BCKDHB: variants seen among roughly 807,000 people sequenced by gnomAD.
The protein encoded by BCKDHB is branched chain keto acid dehydrogenase E1 subunit beta.
A neutral mutation model predicts 48.5 loss-of-function variants in BCKDHB; 41 were observed. That is an observed-to-expected ratio of 0.85 (90% confidence interval 0.66 to 1.10). The LOEUF (loss-of-function observed/expected upper bound fraction) is 1.10. Ranked by LOEUF, BCKDHB falls within the 50% of genes least tolerant of loss-of-function variation. BCKDHB has a pLI of 0.00. For missense variants in BCKDHB, 496 were observed against 494.2 expected, an observed-to-expected ratio of 1.00 and a Z score of -0.03; for synonymous variants, 201 against 174.8, an observed-to-expected ratio of 1.15 and a Z score of -1.18.
chr6:80,125,181 A>G (rs1310795632), intron 1 of BCKDHB, among the ~76,000 whole-genome samples: 3 of 152,158 alleles, frequency 2.0e-5, no homozygotes, highest in African/African-American at 7.2e-5. Context: ...CGTTTTATGT[A>G]CTGAGATGGC....
intron 8 of BCKDHB, among the ~76,000 whole-genome samples, chr6:80,218,478 AC>A (rs1444989518): frequency 1.3e-5 from 2 of 152,136 alleles, no homozygotes; most frequent in African/African-American, 4.8e-5. Context: ...AATGTCTGTA[AC>A]TTTTGATTTA....
rs185509030 is a variant in BCKDHB, at chr6:80,188,246, A to G, written c.743-12688A>G. ...TAGCTGGAGGCCATTATCCTTAGCAAACTAACACATGAACACAAAACCAAA... is the reference window on the plus strand; with the variant it reads ...TAGCTGGAGGCCATTATCCTTAGCAGACTAACACATGAACACAAAACCAAA... On this transcript the variant is annotated intron_variant, in intron 6 of 9. Coordinates refer to ENST00000320393, the MANE Select transcript of BCKDHB (RefSeq NM_183050.4). Among the ~76,000 whole-genome samples, 23 of 152,320 alleles carry G rather than the reference A, an allele frequency of 1.5e-4. No individual in the cohort carries two copies. The East Asian group carries it at 4.3e-3, about 28-fold the overall frequency.
At chr6:80,391,889 G>C in the BCKDHB span, among the ~76,000 whole-genome samples, 1 of 152,058 alleles carries the variant, frequency 6.6e-6, no homozygotes, top group South Asian at 2.1e-4. Flanking sequence ...TTTTCTTCCT[G>C]ATAGCAGGAT....
intron 8 of BCKDHB, among the ~76,000 whole-genome samples, chr6:80,239,269 C>T (rs965405671): frequency 4.6e-5 from 7 of 152,244 alleles, no homozygotes; most frequent in African/African-American, 1.7e-4. Flanking sequence ...CCTGTTGTTT[C>T]CTGACTTTTT....
chr6:80,389,804 C>T, the BCKDHB span, among the ~76,000 whole-genome samples: 1 of 152,138 alleles, frequency 6.6e-6, no homozygotes, highest in African/African-American at 2.4e-5. Flanking sequence ...GTCGTGTATG[C>T]TCTGAATCAG....
the BCKDHB span, among the ~76,000 whole-genome samples, chr6:80,372,007 G>C: frequency 6.6e-6 from 1 of 151,910 alleles, no homozygotes; most frequent in Non-Finnish European, 1.5e-5. Flanking sequence ...GTTTTTCCTA[G>C]ATGTGTGAAG....
intron 8 of BCKDHB, among the ~76,000 whole-genome samples, chr6:80,253,295 T>A: frequency 6.6e-6 from 1 of 152,158 alleles, no homozygotes; most frequent in Non-Finnish European, 1.5e-5. Flanking sequence ...TGCAAAGACC[T>A]ACAAACATCT....
At chr6:80,339,839 A>C (rs892759076) in intron 9 of BCKDHB, among the ~76,000 whole-genome samples, 2 of 152,174 alleles carry the variant, frequency 1.3e-5, no homozygotes, top group African/African-American at 4.8e-5. Flanking sequence ...TTTATTCCTA[A>C]TTCAATTTTT....
chr6:80,114,725 A>G (rs1374210887), intron 1 of BCKDHB, among the ~76,000 whole-genome samples: 3 of 152,216 alleles, frequency 2.0e-5, no homozygotes, highest in Non-Finnish European at 4.4e-5. Flanking sequence ...CGACACAAGA[A>G]TTCAGTTTGT....
chr6:80,215,555 A>T (rs1042255513), intron 8 of BCKDHB, among the ~76,000 whole-genome samples: 4 of 152,224 alleles, frequency 2.6e-5, no homozygotes. Context: ...TTGTTGAACC[A>T]TCTGAAAAAT....
At chr6:80,251,447 A>G (rs915081310) in intron 8 of BCKDHB, among the ~76,000 whole-genome samples, 3 of 152,156 alleles carry the variant, frequency 2.0e-5, no homozygotes, top group African/African-American at 7.2e-5. Context: ...GGGATATGGG[A>G]AAAAGGCAAA....
chr6:80,202,931 A>G (rs1489828212), intron 7 of BCKDHB, among the ~76,000 whole-genome samples, 171 bp from the exon 8 acceptor site: 1 of 151,994 alleles, frequency 6.6e-6, no homozygotes, highest in Non-Finnish European at 1.5e-5. Context: ...TATACTTGTT[A>G]TTTTCGCAGA....
the BCKDHB span, among the ~76,000 whole-genome samples, chr6:80,419,551 C>A: frequency 2.0e-5 from 3 of 152,156 alleles, no homozygotes; most frequent in Non-Finnish European, 2.9e-5. Flanking sequence ...CCTGGCCATG[C>A]TTTATTACAG....
At chr6:80,112,562 A>G (rs1411892506) in intron 1 of BCKDHB, among the ~76,000 whole-genome samples, 1 of 152,198 alleles carries the variant, frequency 6.6e-6, no homozygotes, top group Non-Finnish European at 1.5e-5. Context: ...CTTATTTCCC[A>G]TTACTATATC....
At chr6:80,440,139 A>G in the BCKDHB span, among the ~76,000 whole-genome samples, 1 of 152,204 alleles carries the variant, frequency 6.6e-6, no homozygotes, top group African/African-American at 2.4e-5. Context: ...TGGCAGCAGG[A>G]TGTTAGATGA....
the BCKDHB span, among the ~76,000 whole-genome samples, chr6:80,433,170 C>A: frequency 1.3e-5 from 2 of 152,152 alleles, no homozygotes; most frequent in Non-Finnish European, 2.9e-5. Context: ...CAGTCTGACC[C>A]TTAGCAGAGG....
the BCKDHB span, among the ~76,000 whole-genome samples, chr6:80,393,787 A>G: frequency 6.6e-6 from 1 of 152,044 alleles, no homozygotes. Context: ...GATTTCATTT[A>G]TTTCCTACGT....
chr6:80,342,584 G>T (rs2143888), intron 9 of BCKDHB, among the ~76,000 whole-genome samples: 5 of 105,178 alleles, frequency 4.8e-5, no homozygotes, highest in East Asian at 5.5e-4. Flanking sequence ...AAAAAAGAAA[G>T]GGAAGAAAGG....
intron 9 of BCKDHB, among the ~76,000 whole-genome samples, chr6:80,341,419 ACCT>A (rs1769898164): frequency 6.6e-6 from 1 of 152,162 alleles, no homozygotes; most frequent in African/African-American, 2.4e-5. Context: ...GTCTTCTCTC[ACCT>A]CCTTGTCATT....
Sources: allele counts gnomAD v4.1 joint callset (sites outside exome capture counted in the v4.1 genomes callset), GRCh38; gene constraint gnomAD v4.1.1; transcripts MANE v1.5; gene names NCBI Gene and HGNC (gene_info 2026-07-23, HGNC 2026-07-21).